Variants in PPARGC1A observed in about 807,000 individuals in gnomAD.
The protein encoded by PPARGC1A is PPARG coactivator 1 alpha, also known as peroxisome proliferator-activated receptor gamma coactivator 1-alpha.
PPARGC1A carries 25 observed loss-of-function variants against 88.7 expected under a neutral mutation model. That is an observed-to-expected ratio of 0.28 (90% CI 0.21 to 0.39). The LOEUF (loss-of-function observed/expected upper bound fraction) is 0.39, where lower values mean the gene tolerates loss of function less well. PPARGC1A is among the 10% of genes least tolerant of loss of function. The pLI is 1.00. For missense variants in PPARGC1A, 880 were observed against 968.7 expected, an observed-to-expected ratio of 0.91 and a Z score of 1.22; for synonymous variants, 363 against 355.6, an observed-to-expected ratio of 1.02 and a Z score of -0.24.
chr4:24,292,349 G>T, the PPARGC1A span, among the ~76,000 whole-genome samples: 1 of 151,906 alleles, frequency 6.6e-6, no homozygotes, highest in Non-Finnish European at 1.5e-5. Flanking sequence ...GCTGTCCACT[G>T]GTCTAAAGAA....
chr4:24,472,119 G>A, the PPARGC1A span, among the ~76,000 whole-genome samples: 1 of 152,342 alleles, frequency 6.6e-6, no homozygotes, highest in South Asian at 2.1e-4. This position sits in a 1 kb window ranked among gnomAD's most constrained non-coding sequence, Gnocchi z 4.5. Context: ...CGCTGGGCTG[G>A]GAGGTGGTGG....
At chr4:24,249,786 C>G in the PPARGC1A span, among the ~76,000 whole-genome samples, 3 of 152,146 alleles carry the variant, frequency 2.0e-5, no homozygotes, top group African/African-American at 7.2e-5. Context: ...TTAAACTATA[C>G]TACGTCCCTA....
chr4:24,374,888 T>C, the PPARGC1A span, among the ~76,000 whole-genome samples: 1 of 151,938 alleles, frequency 6.6e-6, no homozygotes, highest in Admixed American at 6.6e-5. Flanking sequence ...ATTCCACTCC[T>C]AAGTATATGC....
chr4:24,128,976 C>T, the PPARGC1A span, among the ~76,000 whole-genome samples: 2 of 152,236 alleles, frequency 1.3e-5, no homozygotes, highest in Middle Eastern at 3.4e-3. Context: ...CAAACTTCAC[C>T]GGGAAGAGCA....
chr4:24,209,871 A>G, the PPARGC1A span, among the ~76,000 whole-genome samples: 2 of 152,246 alleles, frequency 1.3e-5, no homozygotes, highest in Non-Finnish European at 2.9e-5. Context: ...ATAGGAGCAC[A>G]TAATCAGAGA....
chr4:24,430,887 G>A, the PPARGC1A span, among the ~76,000 whole-genome samples: 4 of 152,084 alleles, frequency 2.6e-5, no homozygotes, highest in African/African-American at 9.7e-5. Flanking sequence ...GGAGGCTGAG[G>A]CAGGCGGATC....
the PPARGC1A span, among the ~76,000 whole-genome samples, chr4:24,180,083 A>G: frequency 6.6e-6 from 1 of 152,176 alleles, no homozygotes; most frequent in East Asian, 1.9e-4. Context: ...GACTCTGACT[A>G]CATGTTGAAT....
At chr4:24,199,997 T>A in the PPARGC1A span, among the ~76,000 whole-genome samples, 1 of 151,944 alleles carries the variant, frequency 6.6e-6, no homozygotes, top group Non-Finnish European at 1.5e-5. Flanking sequence ...TAGGAATCTA[T>A]TAACAGACAA....
the PPARGC1A span, among the ~76,000 whole-genome samples, chr4:23,912,893 A>T: frequency 6.7e-6 from 1 of 148,414 alleles, no homozygotes; most frequent in Non-Finnish European, 1.5e-5. Flanking sequence ...GGTTCATGCC[A>T]TTCTCCTGCC....
chr4:24,024,100 A>T, the PPARGC1A span, among the ~76,000 whole-genome samples: 1 of 152,216 alleles, frequency 6.6e-6, no homozygotes, highest in African/African-American at 2.4e-5. Flanking sequence ...GACTAGAATA[A>T]GAGATGGCAA....
the PPARGC1A span, among the ~76,000 whole-genome samples, chr4:24,383,358 G>C: frequency 2.6e-5 from 4 of 152,116 alleles, no homozygotes; most frequent in African/African-American, 9.7e-5. Flanking sequence ...AGGGAAAAAA[G>C]CTGGACGGAG....
chr4:24,325,422 C>A, the PPARGC1A span, among the ~76,000 whole-genome samples: 2 of 152,210 alleles, frequency 1.3e-5, no homozygotes, highest in Non-Finnish European at 2.9e-5. Flanking sequence ...ACAAGAACTT[C>A]CAAACGCCTG....
At chr4:24,015,566 T>A in the PPARGC1A span, among the ~76,000 whole-genome samples, 1 of 152,168 alleles carries the variant, frequency 6.6e-6, no homozygotes, top group African/African-American at 2.4e-5. Context: ...TGAGTCAAAC[T>A]ATCATCATGA....
the PPARGC1A span, among the ~76,000 whole-genome samples, chr4:24,327,245 T>TA: frequency 1.3e-5 from 2 of 152,176 alleles, no homozygotes; most frequent in Non-Finnish European, 2.9e-5. Flanking sequence ...CAGACCAACT[T>TA]AGACTGTGCC....
chr4:24,088,429 A>C, the PPARGC1A span, among the ~76,000 whole-genome samples: 8 of 152,004 alleles, frequency 5.3e-5, no homozygotes, highest in Non-Finnish European at 1.0e-4. Flanking sequence ...GAAGAAGAGG[A>C]GGAAACAAAG....
At chr4:23,889,582 A>C (rs1394678823) in intron 1 of PPARGC1A, among the ~76,000 whole-genome samples, 1 of 152,182 alleles carries the variant, frequency 6.6e-6, no homozygotes, top group Non-Finnish European at 1.5e-5. Context: ...GAAAGACTTC[A>C]GCTTCTGATT....
intron 2 of PPARGC1A, among the ~76,000 whole-genome samples, chr4:23,863,534 G>A (rs74595373): frequency 0.032 from 4,900 of 152,216 alleles, 263 homozygotes; most frequent in African/African-American, 0.11. Flanking sequence ...TGAGTCCCCA[G>A]TCATCACTTG....
the PPARGC1A span, among the ~76,000 whole-genome samples, chr4:24,304,762 C>G: frequency 8.5e-5 from 13 of 152,168 alleles, no homozygotes; most frequent in African/African-American, 3.1e-4. Context: ...CTGAAACTAT[C>G]CCTGGCAAAT....
the PPARGC1A span, among the ~76,000 whole-genome samples, chr4:24,374,597 T>A: frequency 6.6e-6 from 1 of 150,766 alleles, no homozygotes; most frequent in Non-Finnish European, 1.5e-5. Flanking sequence ...GAAGAGACAT[T>A]TCTCTAAATG....
Sources: gnomAD v4.1 joint callset for allele counts (sites outside exome capture counted in the v4.1 genomes callset) on GRCh38, gnomAD v4.1.1 for gene constraint, Gnocchi (gnomAD v3.1) non-coding constraint, MANE v1.5 for transcripts, NCBI Gene and HGNC (gene_info 2026-07-23, HGNC 2026-07-21) for gene names.